The following FOXP4 variants were observed in gnomAD, a reference collection of about 807,000 sequenced individuals.
FOXP4 encodes the protein forkhead box protein P4.
Under a neutral mutation model 82.6 loss-of-function variants are expected in FOXP4, and 25 were observed. The ratio of observed to expected loss-of-function variants is 0.30; its 90% CI spans 0.22 to 0.42. The LOEUF (loss-of-function observed/expected upper bound fraction) is 0.42, where lower values mean the gene tolerates loss of function less well. Ranked by LOEUF, FOXP4 falls within the 10% of genes least tolerant of loss-of-function variation. The pLI is 1.00. For synonymous variants in FOXP4, 415 were observed against 388.2 expected (o/e 1.07, Z -0.81); for missense variants, 785 against 900.9 (o/e 0.87, Z 1.65).
At position 41,589,741 on chromosome 6, in the gene FOXP4, G is replaced by A. The variant is rs527942767; in HGVS notation, c.1066-30G>A. 38 of 1,605,314 alleles carry A rather than the reference G, an allele frequency of 2.4e-5. No individual in the cohort carries two copies. The East Asian group carries it at 2.7e-4, about 11-fold the overall frequency. On this transcript the variant is annotated intron_variant, in intron 9 of 16. Coordinates refer to ENST00000307972, the MANE Select transcript of FOXP4 (RefSeq NM_001012426.2). ...CACTGCCTCCAGGGTTCAGCCTCCC[G>A]CTCACCTCCTGCTTTGCCACCCTCC...
At chr6:41,588,558 T>C (rs1446379475) in intron 8 of FOXP4, 86 bp from the exon 9 acceptor site, 4 of 1,302,150 alleles carry the variant, frequency 3.1e-6, no homozygotes, top group Non-Finnish European at 4.5e-6. Flanking sequence ...TTTCAGGCCA[T>C]GGGTGGGATT....
At chr6:41,596,022 C>T (rs1159100416) in intron 14 of FOXP4, among the ~76,000 whole-genome samples, 3 of 152,168 alleles carry the variant, frequency 2.0e-5, no homozygotes, top group Non-Finnish European at 4.4e-5. Context: ...CTTAGCCTCC[C>T]GAGAAGCTGA....
At position 41,591,168 on chromosome 6, in the gene FOXP4, G is replaced by T; in HGVS notation, c.1435-53G>T. 6.7e-7 allele frequency: 1 copy of T among 1,484,386 alleles called. No individual in the cohort carries two copies. 92.0% of individuals were successfully genotyped at this position (1,484,386 alleles called of 1,614,324 possible). A position where few individuals can be genotyped will look rare whatever the true frequency, so the allele number is the denominator to read the frequency against. Reference sequence around the variant, plus strand: ...GTACTGGGGGAGGGAACCCAGGGCTGTGACCCTTCGAGGCCCAGGCTGACG... The same window carrying T: ...GTACTGGGGGAGGGAACCCAGGGCTTTGACCCTTCGAGGCCCAGGCTGACG... On this transcript the variant is annotated intron_variant, in intron 12 of 16. Coordinates refer to ENST00000307972, the MANE Select transcript of FOXP4 (RefSeq NM_001012426.2). The surrounding 1 kb of genome is among the most constrained non-coding windows in gnomAD (Gnocchi z 4.2).
At chr6:41,556,413 T>A in intron 1 of FOXP4, among the ~76,000 whole-genome samples, 1 of 150,118 alleles carries the variant, frequency 6.7e-6, no homozygotes, top group East Asian at 2.0e-4. Context: ...AAGCTCCACC[T>A]CCCAGGTTCA....
intron 1 of FOXP4, among the ~76,000 whole-genome samples, chr6:41,554,665 T>C (rs1490489167): frequency 6.6e-6 from 1 of 151,758 alleles, no homozygotes; most frequent in Non-Finnish European, 1.5e-5. Flanking sequence ...TTCAAGACCA[T>C]CCTGGCCAAC....
At chr6:41,577,788 C>G (rs190348363) in intron 2 of FOXP4, among the ~76,000 whole-genome samples, 198 bp from the exon 3 acceptor site, 1 of 152,270 alleles carries the variant, frequency 6.6e-6, no homozygotes, top group Admixed American at 6.5e-5. Context: ...TGTAGAGGCT[C>G]TGATCCCTGA....
Position 41,597,808 on chromosome 6 carries a change from C to G in FOXP4, c.1753C>G (p.Leu585Val), listed in dbSNP as rs1766943961. 6.2e-7 allele frequency: 1 copy of G among 1,607,448 alleles called. No homozygotes were observed. The highest frequency in any genetic ancestry group is 8.5e-7 in the Non-Finnish European group (1 of 1,179,144). ...QAALAESSFP[L>V]LNSPGMLNPG... is the part of the protein sequence containing the mutation. ...CGCCCTGGCCGAGAGCAGCTTCCCC[C>G]TCCTCAACAGCCCTGGCATGCTGAA... The change falls in exon 16 of 17, where the codon CTC becomes GTC. Residue 585 changes from leucine (L) to valine (V), a missense_variant. This residue lies in a region of FOXP4 where 184 missense variants were observed against 187.3 expected (regional missense o/e 0.98). Transcript: ENST00000307972.
intron 1 of FOXP4, among the ~76,000 whole-genome samples, chr6:41,549,011 T>C (rs1002707196): frequency 5.9e-5 from 9 of 152,002 alleles, no homozygotes; most frequent in African/African-American, 2.2e-4. Context: ...ACTCACACTC[T>C]AGTCAGTGGG....
At chr6:41,578,262 G>A (rs746783137) in intron 3 of FOXP4, among the ~76,000 whole-genome samples, 181 bp downstream of exon 3, 33 of 152,118 alleles carry the variant, frequency 2.2e-4, no homozygotes, top group East Asian at 3.9e-4. Flanking sequence ...ACTTTCTCTC[G>A]TCTCCACCTG....
chr6:41,547,911 C>T (rs1562000465), intron 1 of FOXP4, among the ~76,000 whole-genome samples: 1 of 152,224 alleles, frequency 6.6e-6, no homozygotes, highest in Non-Finnish European at 1.5e-5. Context: ...AGAGCACAGC[C>T]AGTGGCGCTA....
chr6:41,585,125 C>A (rs1289456471), intron 4 of FOXP4, among the ~76,000 whole-genome samples: 1 of 152,172 alleles, frequency 6.6e-6, no homozygotes, highest in Non-Finnish European at 1.5e-5. Flanking sequence ...GCTGGCCCCA[C>A]TTCTATCTCC....
At chr6:41,592,584 T>G (rs904848591) in intron 13 of FOXP4, among the ~76,000 whole-genome samples, 2 of 152,218 alleles carry the variant, frequency 1.3e-5, no homozygotes, top group Non-Finnish European at 2.9e-5. Flanking sequence ...TGATTATAAT[T>G]ATTACCTAAT....
intron 3 of FOXP4, among the ~76,000 whole-genome samples, chr6:41,584,057 C>A (rs1765954272): frequency 6.6e-6 from 1 of 152,192 alleles, no homozygotes; most frequent in Non-Finnish European, 1.5e-5. Flanking sequence ...GGAGCGGAAG[C>A]CTGCCCTGCT....
At position 41,593,134 on chromosome 6, in the gene FOXP4, G is replaced by A. The variant is rs924502863; in HGVS notation, c.1537-1736G>A. Among the ~76,000 whole-genome samples, 3 of 152,078 alleles carry A rather than the reference G, an allele frequency of 2.0e-5. No homozygotes were observed. Among genetic ancestry groups the A allele is most frequent in the African/African-American group, 7.2e-5 (3 of 41,406 alleles). On this transcript the variant is annotated intron_variant, in intron 13 of 16. Transcript: ENST00000307972. The surrounding 1 kb of genome is among the most constrained non-coding windows in gnomAD (Gnocchi z 4.1). ...AGCCAAATGCATTCATGTTACTTGG[G>A]AAATACACCATCTACACCCAACTCT...
At chr6:41,597,025 A>C (rs967376091) in intron 14 of FOXP4, 151 bp from the exon 15 acceptor site, 1 of 771,514 alleles carries the variant, frequency 1.3e-6, no homozygotes, top group African/African-American at 1.7e-5. Context: ...GTACACACAC[A>C]GCTCCAAGAC....
Position 41,587,838 on chromosome 6 carries a change from C to A in FOXP4, c.918C>A (p.His306Gln). The part of the protein sequence containing the change: ...ETPGSHPLYG[H>Q]GECKWPGCET... ...CCGGCTCCCACCCCCTGTACGGACACGGAGAGTGCAAGTGGCCAGGCTGTG... is the reference window on the plus strand; with the variant it reads ...CCGGCTCCCACCCCCTGTACGGACAAGGAGAGTGCAAGTGGCCAGGCTGTG... The change falls in exon 8 of 17, where the codon CAC becomes CAA. Residue 306 changes from histidine to glutamine, a missense_variant. Physicochemically the swap from His to Gln is conservative, Grantham distance 24. Transcript: ENST00000307972. 1 of 1,572,696 alleles carries A rather than the reference C, an allele frequency of 6.4e-7. No homozygotes were observed. Among genetic ancestry groups the A allele is most frequent in the Admixed American group, 1.8e-5 (1 of 55,130 alleles).
intron 1 of FOXP4, among the ~76,000 whole-genome samples, chr6:41,557,261 C>G (rs183178043): frequency 2.0e-5 from 3 of 152,144 alleles, no homozygotes; most frequent in Admixed American, 1.3e-4. Context: ...GGTTAGGGCC[C>G]GAGAGTCTTA....
rs977389813 is a variant in FOXP4 at position 41,590,472 on chromosome 6, G to A, written c.1434+125G>A. 5.3e-5 allele frequency: 53 copies of A among 1,006,482 alleles called. No individual in the cohort carries two copies. The East Asian group carries it at 1.0e-3, about 19-fold the overall frequency. 62.3% of individuals were successfully genotyped at this position (1,006,482 alleles called of 1,614,324 possible). On this transcript the variant is annotated intron_variant, in intron 12 of 16. Coordinates refer to ENST00000307972, the MANE Select transcript of FOXP4 (RefSeq NM_001012426.2). ...ATGGAGCTGTCCCGCTCCCTCTCAC[G>A]TGGCGGTCTTCCCTCTCTGCTGTGC...
chr6:41,549,425 C>T (rs753667479), intron 1 of FOXP4, among the ~76,000 whole-genome samples: 3 of 152,122 alleles, frequency 2.0e-5, no homozygotes, highest in Non-Finnish European at 2.9e-5. Flanking sequence ...CCCCCAGCCC[C>T]CTTCCTCTGC....
Sources: allele counts gnomAD v4.1 joint callset (sites outside exome capture counted in the v4.1 genomes callset), GRCh38; gene constraint gnomAD v4.1.1; regional missense constraint gnomAD v4.1.1; non-coding constraint Gnocchi (gnomAD v3.1); transcripts MANE v1.5; gene names NCBI Gene and HGNC (gene_info 2026-07-23, HGNC 2026-07-21).